The following MCPH1 variants were observed in gnomAD, a reference collection of about 807,000 sequenced individuals.
MCPH1 encodes the protein microcephalin.
MCPH1 carries 104 observed loss-of-function variants against 84.5 expected under a neutral mutation model. That is an observed-to-expected ratio of 1.23 (90% CI 1.05 to 1.45). The LOEUF is 1.45. MCPH1 is among the 40% of genes most tolerant of loss of function. The pLI is 0.00. For missense variants in MCPH1, 1,498 were observed against 1,005.7 expected, an observed-to-expected ratio of 1.49 and a Z score of -6.62; for synonymous variants, 514 against 366.8, an observed-to-expected ratio of 1.40 and a Z score of -4.58.
In MCPH1 at chr8:6,480,847, C is replaced by G; in HGVS notation, c.2107C>G (p.Arg703Gly). ...CCTGAATGTGCTGCTGGGAATTGCG[C>G]GTGGCTGCTGGGTTCTCTCTTATGA... ...RTLNVLLGIA[R>G]GCWVLSYDWV... The change falls in exon 11 of 14, where the codon CGT (arginine) becomes GGT (glycine). Residue 703 changes from arginine (R) to glycine (G), a missense_variant. Physicochemically the swap from Arg to Gly is moderately radical, Grantham distance 125 (BLOSUM62 -2). Coordinates refer to ENST00000344683, the MANE Select transcript of MCPH1 (RefSeq NM_024596.5). 1.2e-6 allele frequency: 2 copies of G among 1,614,156 alleles called. No homozygotes were observed. Among genetic ancestry groups the G allele is most frequent in the Non-Finnish European group, 1.7e-6 (2 of 1,180,040 alleles).
At chr8:6,409,824 C>T (rs543580964) in intron 2 of MCPH1, among the ~76,000 whole-genome samples, 14 of 152,140 alleles carry the variant, frequency 9.2e-5, no homozygotes, top group African/African-American at 3.1e-4. Flanking sequence ...TGGACATCGT[C>T]CCATGTCAGG....
chr8:6,507,372 C>T (rs548590385), intron 12 of MCPH1, among the ~76,000 whole-genome samples: 44 of 152,232 alleles, frequency 2.9e-4, no homozygotes, highest in African/African-American at 8.2e-4. Flanking sequence ...TTAAACCCTG[C>T]CAATTTTCCT....
At chr8:6,480,328 G>T (rs1483741885) in intron 10 of MCPH1, among the ~76,000 whole-genome samples, 1 of 152,040 alleles carries the variant, frequency 6.6e-6, no homozygotes, top group African/African-American at 2.4e-5. Flanking sequence ...GTTTCACCAT[G>T]TTGGCTAGGC....
intron 12 of MCPH1, chr8:6,620,128 TACTC>T (rs1336120436): frequency 6.6e-6 from 1 of 152,088 alleles, no homozygotes; most frequent in Non-Finnish European, 1.5e-5. Flanking sequence ...GTGCCAAAAA[TACTC>T]ACAAAGTCAC....
At chr8:6,454,746 C>T (rs1706985170) in intron 8 of MCPH1, among the ~76,000 whole-genome samples, 1 of 152,170 alleles carries the variant, frequency 6.6e-6, no homozygotes, top group African/African-American at 2.4e-5. Context: ...AAATCTCAAA[C>T]TGACCCCAAA....
chr8:6,642,648 A>T, intron 13 of MCPH1: 1 of 400,284 alleles, frequency 2.5e-6, no homozygotes. Context: ...GTGGTGAGCT[A>T]AGATTAGAAA....
At chr8:6,482,895 C>T (rs899865641) in intron 11 of MCPH1, among the ~76,000 whole-genome samples, 2 of 152,086 alleles carry the variant, frequency 1.3e-5, no homozygotes, top group African/African-American at 4.8e-5. Flanking sequence ...GGCACTCAGA[C>T]ACATAAGTGA....
chr8:6,584,227 C>A (rs1340566430), intron 12 of MCPH1, among the ~76,000 whole-genome samples: 1 of 152,158 alleles, frequency 6.6e-6, no homozygotes, highest in Non-Finnish European at 1.5e-5. Flanking sequence ...GATTTAGCAG[C>A]TCAGGGAGGA....
chr8:6,600,656 CTTAAG>C (rs1429635273), intron 12 of MCPH1, among the ~76,000 whole-genome samples: 3 of 152,184 alleles, frequency 2.0e-5, no homozygotes, highest in Non-Finnish European at 4.4e-5. Context: ...TGAAAGATTT[CTTAAG>C]TTTTTAGTTT....
chr8:6,559,307 T>C (rs1563126713), intron 12 of MCPH1, among the ~76,000 whole-genome samples: 1 of 151,894 alleles, frequency 6.6e-6, no homozygotes, highest in Non-Finnish European at 1.5e-5. Flanking sequence ...TGGGTTCCCC[T>C]GGGAGCCCCT....
At chr8:6,474,293 G>C (rs1042699399) in intron 9 of MCPH1, 2 of 518,178 alleles carry the variant, frequency 3.9e-6, no homozygotes. Context: ...TTTTGATTCT[G>C]ATATGTGGTT....
chr8:6,591,972 A>G (rs1828491617), intron 12 of MCPH1, among the ~76,000 whole-genome samples: 1 of 152,212 alleles, frequency 6.6e-6, no homozygotes, highest in African/African-American at 2.4e-5. Context: ...AGAAGTAGGG[A>G]AAAAATTCGA....
At position 6,647,928 on chromosome 8, in the gene MCPH1, A is replaced by T. The variant is rs13262885; in HGVS notation, c.*4879A>T. On this transcript the variant is annotated 3_prime_UTR_variant, in exon 14 of 14. Transcript: ENST00000344683. ...TACACCAATAAAGCTATTTTTTTTA[A>T]AAAAAAGAGAGAGAGAGAACGAGAG... is the stretch of plus-strand genomic sequence containing the variant. 0.082 allele frequency: 11,087 copies of T among 135,232 alleles called. 612 individuals are homozygous for T. The highest frequency in any genetic ancestry group is 0.16 in the African/African-American group (6,211 of 39,258). The allele number at this position is 135,232 out of a possible 1,614,324, so 8.4% of individuals were successfully genotyped here.
At chr8:6,527,377 G>T (rs1458516575) in intron 12 of MCPH1, among the ~76,000 whole-genome samples, 2 of 152,258 alleles carry the variant, frequency 1.3e-5, no homozygotes, top group Non-Finnish European at 2.9e-5. Context: ...TGTTAGGAGA[G>T]CTGTGCCTGT....
At chr8:6,626,144 T>A in intron 13 of MCPH1, 2 of 985,344 alleles carry the variant, frequency 2.0e-6, no homozygotes, top group Non-Finnish European at 2.4e-6. Flanking sequence ...TGTAAGAATT[T>A]CTTTCGACCT....
chr8:6,522,857 T>A (rs889844063), intron 12 of MCPH1, among the ~76,000 whole-genome samples: 2 of 152,050 alleles, frequency 1.3e-5, no homozygotes, highest in Non-Finnish European at 2.9e-5. Context: ...AGGGGCAGAA[T>A]ACAATCCCAG....
At chr8:6,623,703 A>C (rs1586848123) in intron 13 of MCPH1, among the ~76,000 whole-genome samples, 1 of 6,184 alleles carries the variant, frequency 1.6e-4, no homozygotes, top group South Asian at 4.1e-3. Context: ...AAAAAAAAAA[A>C]AAAAAAAAAA....
At chr8:6,530,908 T>C (rs1819381103) in intron 12 of MCPH1, among the ~76,000 whole-genome samples, 1 of 152,222 alleles carries the variant, frequency 6.6e-6, no homozygotes, top group Non-Finnish European at 1.5e-5. Context: ...TCATGTCCTC[T>C]CCTGGCTGAC....
At chr8:6,610,157 A>G (rs1343712557) in intron 12 of MCPH1, among the ~76,000 whole-genome samples, 2 of 152,108 alleles carry the variant, frequency 1.3e-5, no homozygotes, top group Non-Finnish European at 2.9e-5. Context: ...CCATTGTCAG[A>G]CTGTTAAATG....
Sources: gnomAD v4.1 joint callset for allele counts (sites outside exome capture counted in the v4.1 genomes callset) on GRCh38, gnomAD v4.1.1 for gene constraint, MANE v1.5 for transcripts, NCBI Gene and HGNC (gene_info 2026-07-23, HGNC 2026-07-21) for gene names.